CNTN6: variants seen among roughly 807,000 people sequenced by gnomAD.
CNTN6 encodes the protein contactin 6.
In CNTN6, 137 loss-of-function variants were observed where a neutral mutation model predicts 122.8. That is an observed-to-expected ratio of 1.12 (90% confidence interval 0.97 to 1.29). The LOEUF (loss-of-function observed/expected upper bound fraction) is 1.29, where lower values mean the gene tolerates loss of function less well. CNTN6 is among the 50% of genes most tolerant of loss of function. CNTN6 has a pLI of 0.00. For synonymous variants in CNTN6, 570 were observed against 426.0 expected (o/e 1.34, Z -4.16); for missense variants, 1,634 against 1,223.4 (o/e 1.34, Z -5.01).
Position 1,194,316 on chromosome 3 carries a change from A to C in CNTN6, c.56-26371A>C, listed in dbSNP as rs576365644. Among the ~76,000 whole-genome samples, 4 of 152,266 alleles carry C rather than the reference A, an allele frequency of 2.6e-5. No homozygotes were observed. In the East Asian group the frequency reaches 7.7e-4, roughly 29 times the overall value. On this transcript the variant is annotated intron_variant, in intron 2 of 22. Transcript: ENST00000446702. ...AGAAATGGAAGTACCTGTACAGGGCATCATGTTCTCAGACTCCTCACTTCA... is the reference window on the plus strand; with the variant it reads ...AGAAATGGAAGTACCTGTACAGGGCCTCATGTTCTCAGACTCCTCACTTCA...
intron 12 of CNTN6, among the ~76,000 whole-genome samples, chr3:1,359,563 T>C (rs1032545274): frequency 2.0e-5 from 3 of 150,766 alleles, no homozygotes. Context: ...TGACCATGAT[T>C]ACTTTATGCA....
intron 2 of CNTN6, among the ~76,000 whole-genome samples, chr3:1,170,577 A>G (rs959379775): frequency 1.3e-5 from 2 of 152,186 alleles, no homozygotes; most frequent in Non-Finnish European, 2.9e-5. Flanking sequence ...AAGCTTAAAC[A>G]TTTGTACAAA....
At chr3:1,388,791 T>C (rs1693610058) in intron 20 of CNTN6, among the ~76,000 whole-genome samples, 2 of 149,412 alleles carry the variant, frequency 1.3e-5, no homozygotes, top group African/African-American at 5.0e-5. Flanking sequence ...GCCGATGTGA[T>C]CAACTGGAAG....
At position 1,373,660 on chromosome 3, in the gene CNTN6, C is replaced by T. The variant is rs747228211; in HGVS notation, c.1843C>T (p.Gln615Ter). 2 of 1,613,054 alleles carry T rather than the reference C, an allele frequency of 1.2e-6. No individual in the cohort carries two copies. Among genetic ancestry groups the T allele is most frequent in the South Asian group, 2.2e-5 (2 of 91,026 alleles). The change falls in exon 15 of 23, where the codon CAA becomes TAA. Residue 615 changes from glutamine to a stop codon, truncating the protein, a stop_gained. Coordinates refer to ENST00000446702, the MANE Select transcript of CNTN6 (RefSeq NM_001289080.2). LOFTEE classifies it high-confidence loss of function. ...GGAAGACATTTCCAGTACTACTTCT[C>T]AACTAAGTTGGAGAGCAGGCCCAGA... ...QVEDISSTTS[Q>*]LSWRAGPDNN...
chr3:1,201,324 G>T (rs901316832), intron 2 of CNTN6, among the ~76,000 whole-genome samples: 3 of 151,930 alleles, frequency 2.0e-5, no homozygotes, highest in Non-Finnish European at 4.4e-5. Context: ...CTATGATTGG[G>T]TTAGCATCAT....
intron 4 of CNTN6, among the ~76,000 whole-genome samples, chr3:1,267,659 G>A (rs778946883): frequency 6.6e-5 from 10 of 152,064 alleles, no homozygotes; most frequent in South Asian, 2.1e-4. Flanking sequence ...TTATAGTGTC[G>A]AATCCATTTA....
At chr3:1,168,248 C>T (rs905939258) in intron 2 of CNTN6, among the ~76,000 whole-genome samples, 2 of 151,448 alleles carry the variant, frequency 1.3e-5, no homozygotes, top group African/African-American at 4.9e-5. Context: ...TGGGCTCCTC[C>T]AGAAGCCGAC....
intron 11 of CNTN6, among the ~76,000 whole-genome samples, chr3:1,331,473 T>G (rs1272706235): frequency 6.6e-6 from 1 of 151,972 alleles, no homozygotes; most frequent in Non-Finnish European, 1.5e-5. Flanking sequence ...AAAGGAAACC[T>G]GTTGTCCTGA....
chr3:1,134,763 CT>C, intron 1 of CNTN6, among the ~76,000 whole-genome samples: 1 of 152,082 alleles, frequency 6.6e-6, no homozygotes, highest in South Asian at 2.1e-4. Flanking sequence ...AAGAAAGCAT[CT>C]TTCACATTAT....
chr3:1,386,864 G>A (rs1252989297), intron 20 of CNTN6, among the ~76,000 whole-genome samples: 3 of 152,132 alleles, frequency 2.0e-5, no homozygotes, highest in African/African-American at 7.2e-5. Context: ...GTTAAGAAGA[G>A]TTTGAAAATA....
intron 7 of CNTN6, among the ~76,000 whole-genome samples, chr3:1,313,365 A>G (rs1035958479): frequency 1.3e-5 from 2 of 152,054 alleles, no homozygotes; most frequent in African/African-American, 4.8e-5. Flanking sequence ...GAATCTTTGG[A>G]CAATGGTCCT....
chr3:1,267,531 C>G (rs1288041839), intron 4 of CNTN6, among the ~76,000 whole-genome samples: 1 of 152,106 alleles, frequency 6.6e-6, no homozygotes, highest in Non-Finnish European at 1.5e-5. Flanking sequence ...CACGGTACAC[C>G]TCTATAGCTC....
At chr3:1,190,841 G>A (rs1052192539) in intron 2 of CNTN6, among the ~76,000 whole-genome samples, 6 of 152,102 alleles carry the variant, frequency 3.9e-5, no homozygotes, top group African/African-American at 1.4e-4. Context: ...TCTGAGATTA[G>A]TTTTCCCAAA....
chr3:1,367,808 G>A (rs1708456985), intron 12 of CNTN6, among the ~76,000 whole-genome samples: 1 of 152,108 alleles, frequency 6.6e-6, no homozygotes, highest in African/African-American at 2.4e-5. Flanking sequence ...AGATAATGGT[G>A]GTAGCAGCCA....
At chr3:1,163,503 C>CT (rs1476178548) in intron 2 of CNTN6, among the ~76,000 whole-genome samples, 1 of 152,182 alleles carries the variant, frequency 6.6e-6, no homozygotes, top group Non-Finnish European at 1.5e-5. Context: ...CCTCGAACCC[C>CT]TGGGCTCAAG....
chr3:1,352,142 A>G (rs1705736131), intron 11 of CNTN6, among the ~76,000 whole-genome samples, 182 bp from the exon 12 acceptor site: 1 of 151,934 alleles, frequency 6.6e-6, no homozygotes, highest in Admixed American at 6.6e-5. Context: ...AGCAAATGCC[A>G]TTTACTGTAA....
intron 20 of CNTN6, among the ~76,000 whole-genome samples, chr3:1,395,183 CATTTT>C (rs1288895787): frequency 6.6e-6 from 1 of 152,190 alleles, no homozygotes; most frequent in Non-Finnish European, 1.5e-5. Flanking sequence ...TCCAACCTCT[CATTTT>C]ATTACTTTGA....
At chr3:1,291,141 A>C (rs1019735262) in intron 5 of CNTN6, among the ~76,000 whole-genome samples, 3 of 152,308 alleles carry the variant, frequency 2.0e-5, no homozygotes, top group Middle Eastern at 3.4e-3. Flanking sequence ...TTATGAATAC[A>C]ATTTTGGGAA....
chr3:1,338,269 C>A (rs984024075), intron 11 of CNTN6, among the ~76,000 whole-genome samples: 4 of 152,172 alleles, frequency 2.6e-5, no homozygotes, highest in African/African-American at 4.8e-5. Flanking sequence ...GCTGTGAATT[C>A]ATGGGCTGCG....
Sources: gnomAD v4.1 joint callset for allele counts (sites outside exome capture counted in the v4.1 genomes callset) on GRCh38, gnomAD v4.1.1 for gene constraint, MANE v1.5 for transcripts, NCBI Gene and HGNC (gene_info 2026-07-23, HGNC 2026-07-21) for gene names.